The following FHAD1 variants were observed in gnomAD, a reference collection of about 807,000 sequenced individuals.
The protein encoded by FHAD1 is forkhead associated phosphopeptide binding domain 1.
Under a neutral mutation model 191.3 loss-of-function variants are expected in FHAD1, and 146 were observed. That is an observed-to-expected ratio of 0.76 (90% confidence interval 0.67 to 0.88). FHAD1 has a LOEUF of 0.88. FHAD1 is among the 40% of genes least tolerant of loss of function. The pLI is 0.00. For missense variants in FHAD1, 1,635 were observed against 1,785.8 expected (o/e 0.92, Z 1.52); for synonymous variants, 616 against 672.3 (o/e 0.92, Z 1.29).
intron 13 of FHAD1, chr1:15,328,671 G>A (rs1378984328): frequency 2.7e-6 from 1 of 368,880 alleles, no homozygotes; most frequent in African/African-American, 2.1e-5. Context: ...TACTGACTTT[G>A]AGCGGCCCGC....
chr1:15,251,207 C>A (rs142424983), intron 1 of FHAD1, among the ~76,000 whole-genome samples: 98 of 150,984 alleles, frequency 6.5e-4, no homozygotes, highest in African/African-American at 2.3e-3. Context: ...CCCAGGAGAT[C>A]GAGACCTCAG....
At chr1:15,299,081 C>G (rs12090668) in intron 5 of FHAD1, among the ~76,000 whole-genome samples, 2 of 150,674 alleles carry the variant, frequency 1.3e-5, no homozygotes, top group Non-Finnish European at 3.0e-5. Context: ...TTGCCTATAG[C>G]CCCAGCTACT....
intron 5 of FHAD1, among the ~76,000 whole-genome samples, chr1:15,297,579 C>T (rs1382755658): frequency 1.3e-5 from 2 of 152,168 alleles, no homozygotes; most frequent in Admixed American, 1.3e-4. Flanking sequence ...GATGCTCTGT[C>T]AGTTACCCAC....
intron 2 of FHAD1, among the ~76,000 whole-genome samples, chr1:15,262,613 C>T (rs919000881): frequency 2.0e-5 from 3 of 152,234 alleles, no homozygotes; most frequent in Admixed American, 2.0e-4. Context: ...CAAGGTTCAT[C>T]CACGTTGTGG....
At chr1:15,368,492 C>G (rs552890767) in intron 25 of FHAD1, among the ~76,000 whole-genome samples, 3 of 152,288 alleles carry the variant, frequency 2.0e-5, no homozygotes, top group South Asian at 2.1e-4. Flanking sequence ...CTCAGCTTAT[C>G]CATATTTTAG....
In FHAD1 at chr1:15,397,288, T is replaced by C; in HGVS notation, c.4324-9T>C. ...GGAGTTTGTGTGTTTTTTCTCTTGC[T>C]TGTTAAAGGTTGGAACCAGAAAAGC... is the stretch of plus-strand genomic sequence containing the variant. On this transcript the variant is annotated splice_polypyrimidine_tract_variant and intron_variant, in intron 33 of 33. Transcript: ENST00000688493. 2 of 1,406,346 alleles carry C rather than the reference T, an allele frequency of 1.4e-6. No individual in the cohort carries two copies. Among genetic ancestry groups the C allele is most frequent in the Non-Finnish European group, 1.9e-6 (2 of 1,028,276 alleles). 87.1% of individuals were successfully genotyped at this position (1,406,346 alleles called of 1,614,324 possible). A position where few individuals can be genotyped will look rare whatever the true frequency, so the allele number is the denominator to read the frequency against.
At chr1:15,285,191 T>A (rs1573972757) in intron 3 of FHAD1, among the ~76,000 whole-genome samples, 2 of 152,220 alleles carry the variant, frequency 1.3e-5, no homozygotes, top group East Asian at 3.8e-4. Context: ...TAGAGAAGAC[T>A]GACATTAACC....
At position 15,251,895 on chromosome 1, in the gene FHAD1, C is replaced by G. The variant is rs2100783768; in HGVS notation, c.93+18C>G. 1 of 1,545,964 alleles carries G rather than the reference C, an allele frequency of 6.5e-7. No homozygotes were observed. The highest frequency in any genetic ancestry group is 8.8e-7 in the Non-Finnish European group (1 of 1,141,970). The stretch of plus-strand genomic sequence containing the variant: ...TTTTACAGGTAAGAAGTCTTCCCAC[C>G]TGTTCCCGTCCCCTCCCTGACCCCT... On this transcript the variant is annotated intron_variant, in intron 2 of 33. Coordinates refer to ENST00000688493, the MANE Select transcript of FHAD1 (RefSeq NM_001391957.1).
At chr1:15,314,061 AAATAAT>A (rs59696318) in intron 8 of FHAD1, among the ~76,000 whole-genome samples, 4,500 of 146,364 alleles carry the variant, frequency 0.031, 198 homozygotes, top group African/African-American at 0.096. Context: ...ACTCCGTCTC[AAATAAT>A]AATAATAATA....
intron 4 of FHAD1, among the ~76,000 whole-genome samples, chr1:15,294,524 G>T (rs1453881482): frequency 4.6e-5 from 7 of 152,086 alleles, no homozygotes; most frequent in African/African-American, 1.7e-4. Flanking sequence ...CTCCCAAGTA[G>T]CTAGGATTCA....
intron 28 of FHAD1, among the ~76,000 whole-genome samples, chr1:15,380,474 A>G (rs1291204970): frequency 6.6e-6 from 1 of 152,216 alleles, no homozygotes; most frequent in Non-Finnish European, 1.5e-5. Flanking sequence ...GAACAAGACA[A>G]GTGATGTATA....
At chr1:15,385,813 C>A (rs761723127) in intron 31 of FHAD1, among the ~76,000 whole-genome samples, 4 of 152,182 alleles carry the variant, frequency 2.6e-5, no homozygotes, top group Non-Finnish European at 5.9e-5. Flanking sequence ...TATACTAATA[C>A]CTCTGGCTGT....
rs1469488465 is a variant in FHAD1, at chr1:15,341,896, G to A, written c.2130+8G>A. The A allele has an allele frequency of 1.9e-6, 3 of 1,549,434 alleles. No individual in the cohort carries two copies. The highest frequency in any genetic ancestry group is 2.0e-5 in the Admixed American group (1 of 50,612). On this transcript the variant is annotated splice_region_variant and intron_variant, in intron 16 of 33. Coordinates refer to ENST00000688493, the MANE Select transcript of FHAD1 (RefSeq NM_001391957.1). Reference sequence around the variant, plus strand: ...CTGACGGAAGAGAAGGCGGTAAGGTGGTCCCTGCCATTTGCTTTACTACTG... The same window carrying A: ...CTGACGGAAGAGAAGGCGGTAAGGTAGTCCCTGCCATTTGCTTTACTACTG...
chr1:15,292,347 T>C (rs1422418527), intron 4 of FHAD1, among the ~76,000 whole-genome samples: 7 of 151,918 alleles, frequency 4.6e-5, no homozygotes, highest in Non-Finnish European at 1.0e-4. Flanking sequence ...TTGTTTTGTC[T>C]TTTTGAGACG....
chr1:15,272,022 C>T (rs974670801), intron 2 of FHAD1, among the ~76,000 whole-genome samples: 5 of 152,060 alleles, frequency 3.3e-5, no homozygotes, highest in African/African-American at 4.8e-5. Flanking sequence ...CATATTTGTC[C>T]AATATGACTC....
chr1:15,305,457 G>GT (rs1670158683), intron 6 of FHAD1, among the ~76,000 whole-genome samples: 2 of 152,100 alleles, frequency 1.3e-5, no homozygotes, highest in African/African-American at 4.8e-5. Context: ...GATTTGGATC[G>GT]TAACTCTACC....
chr1:15,290,288 G>A (rs1247691252), intron 4 of FHAD1, among the ~76,000 whole-genome samples: 1 of 152,072 alleles, frequency 6.6e-6, no homozygotes, highest in Non-Finnish European at 1.5e-5. Context: ...TGGCACTTGG[G>A]GAGGAAACTT....
At chr1:15,340,579 G>A (rs924573999) in intron 15 of FHAD1, among the ~76,000 whole-genome samples, 15 of 152,186 alleles carry the variant, frequency 9.9e-5, no homozygotes, top group African/African-American at 3.6e-4. Context: ...TGTTATGTCT[G>A]CTAAGATCCC....
At chr1:15,315,586 C>T (rs1166134926) in intron 8 of FHAD1, among the ~76,000 whole-genome samples, 17 of 150,008 alleles carry the variant, frequency 1.1e-4, no homozygotes, top group African/African-American at 3.4e-4. Context: ...CCCGGGTTCA[C>T]GCCATTCTCC....
Sources: gnomAD v4.1 joint callset for allele counts (sites outside exome capture counted in the v4.1 genomes callset) on GRCh38, gnomAD v4.1.1 for gene constraint, MANE v1.5 for transcripts, NCBI Gene and HGNC (gene_info 2026-07-23, HGNC 2026-07-21) for gene names.